Variants in GSTP1 observed in about 807,000 individuals in gnomAD.
GSTP1 encodes glutathione S-transferase P.
In GSTP1, 28 loss-of-function variants were observed where a neutral mutation model predicts 29.4. The ratio of observed to expected loss-of-function variants is 0.95; its 90% CI spans 0.71 to 1.30. The LOEUF (loss-of-function observed/expected upper bound fraction) is 1.30. Ranked by LOEUF, GSTP1 falls within the 50% of genes most tolerant of loss-of-function variation. The pLI, the probability that GSTP1 is intolerant of heterozygous loss-of-function variation, is 0.00. For missense variants in GSTP1, 267 were observed against 266.1 expected (o/e 1.00, Z -0.02); for synonymous variants, 122 against 117.0 (o/e 1.04, Z -0.28).
At chr11:67,584,982 C>T (rs1867441401) in intron 4 of GSTP1, 156 bp from the exon 5 acceptor site, 2 of 640,092 alleles carry the variant, frequency 3.1e-6, no homozygotes, top group South Asian at 1.8e-5. Flanking sequence ...GCTCTGAGCA[C>T]CTGCTGTGTG....
In GSTP1 at chr11:67,584,488, T is replaced by A. The variant is rs761170136; in HGVS notation, c.62T>A (p.Leu21Gln). The change falls in exon 3 of 7, where the codon CTG becomes CAG. Residue 21 changes from leucine to glutamine, a missense_variant. Transcript: ENST00000398606. ...GGCCGCTGCGCGGCCCTGCGCATGC[T>A]GCTGGCAGATCAGGGCCAGAGCTGG... ...VRGRCAALRM[L>Q]LADQGQSWKE... 3 of 1,556,096 alleles carry A rather than the reference T, an allele frequency of 1.9e-6. No individual in the cohort carries two copies. Among genetic ancestry groups the A allele is most frequent in the South Asian group, 1.2e-5 (1 of 85,660 alleles).
chr11:67,584,060 G>GC (rs1186915579), intron 1 of GSTP1, 74 bp from the exon 2 acceptor site: 8 of 1,261,996 alleles, frequency 6.3e-6, no homozygotes, highest in Admixed American at 1.9e-5. Flanking sequence ...GGGCGGGGAG[G>GC]GGGGGCAGAC....
chr11:67,584,521 A>T lies in GSTP1; in HGVS notation c.95A>T (p.Glu32Val), dbSNP rs45506591. ...LADQGQSWKE[E>V]VVTVETWQEG... ...GATCAGGGCCAGAGCTGGAAGGAGG[A>T]GGTGGTGACCGTGGAGACGTGGCAG... The change falls in exon 3 of 7, where the codon GAG becomes GTG. Residue 32 changes from glutamate (E) to valine (V), a missense_variant. Coordinates refer to ENST00000398606, the MANE Select transcript of GSTP1 (RefSeq NM_000852.4). The T allele has an allele frequency of 1.9e-4, 301 of 1,584,834 alleles. No individual in the cohort carries two copies. Among genetic ancestry groups the T allele is most frequent in the Non-Finnish European group, 2.3e-4 (274 of 1,166,544 alleles).
chr11:67,584,848 T>C (rs757066218), intron 4 of GSTP1, 76 bp downstream of exon 4: 2 of 1,095,496 alleles, frequency 1.8e-6, no homozygotes, highest in South Asian at 1.2e-5. Flanking sequence ...TTAAATCAGC[T>C]GCCCCGCAGC....
intron 5 of GSTP1, among the ~76,000 whole-genome samples, chr11:67,585,615 A>G (rs934173769): frequency 6.6e-5 from 10 of 152,196 alleles, no homozygotes; most frequent in African/African-American, 2.4e-4. Context: ...ATATGCAGAC[A>G]CAGAGCACAT....
intron 2 of GSTP1, 81 bp downstream of exon 2, chr11:67,584,250 G>C (rs1867427228): frequency 8.8e-7 from 1 of 1,141,282 alleles, no homozygotes; most frequent in African/African-American, 1.5e-5. Context: ...GGAGAGATCC[G>C]AACCCCCTTA....
At chr11:67,585,678 C>T (rs1416696472) in intron 5 of GSTP1, among the ~76,000 whole-genome samples, 3 of 122,940 alleles carry the variant, frequency 2.4e-5, no homozygotes, top group South Asian at 2.5e-4. Context: ...CGTGCGTGTG[C>T]ATGTGTGTGC....
chr11:67,584,651 A>T, intron 3 of GSTP1, 34 bp from the exon 4 acceptor site: 1 of 1,588,634 alleles, frequency 6.3e-7, no homozygotes, highest in East Asian at 2.2e-5. Flanking sequence ...GCCCAAGCTC[A>T]GTGCCCCTCC....
Position 67,583,818 on chromosome 11 carries a change from GT to G in GSTP1, c.-23del, listed in dbSNP as rs770058694. ...CGGAGGCCGCGAGGCCTTCGCTGGAGTTTCGCCGCCGCAGTCTTCGCCACCA... is the reference window on the plus strand; with the variant it reads ...CGGAGGCCGCGAGGCCTTCGCTGGAGTTCGCCGCCGCAGTCTTCGCCACCA... On this transcript the variant is annotated 5_prime_UTR_variant, in exon 1 of 7. Transcript: ENST00000398606. 4 of 739,442 alleles carry G rather than the reference GT, an allele frequency of 5.4e-6. No homozygotes were observed. In the South Asian group the frequency reaches 5.7e-5, roughly 11 times the overall value. The allele number at this position is 739,442 out of a possible 1,614,324, so 45.8% of individuals were successfully genotyped here.
In GSTP1 at chr11:67,586,562, C is replaced by T; in HGVS notation, c.618C>T (p.Gly206=). The T allele has an allele frequency of 1.2e-6, 2 of 1,612,712 alleles. No homozygotes were observed. The highest frequency in any genetic ancestry group is 1.7e-6 in the Non-Finnish European group (2 of 1,179,176). ...AGTACGTGAACCTCCCCATCAATGG[C>T]AACGGGAAACAGTGAGGGTTGGGGG... ...SPEYVNLPIN[G]NGKQ Residue 206 remains glycine (G), a synonymous_variant, in exon 7 of 7, where the codon GGC becomes GGT. Transcript: ENST00000398606.
In GSTP1 at chr11:67,586,218, A is replaced by C; in HGVS notation, c.444+7A>C. 2 of 1,594,252 alleles carry C rather than the reference A, an allele frequency of 1.3e-6. No individual in the cohort carries two copies. Among genetic ancestry groups the C allele is most frequent in the Non-Finnish European group, 8.6e-7 (1 of 1,162,238 alleles). ...CTTCATTGTGGGAGACCAGGTGAGC[A>C]TCTGGCCCCATGCTGTTCCTTCCTC... On this transcript the variant is annotated splice_region_variant and intron_variant, in intron 6 of 6. Transcript: ENST00000398606.
intron 5 of GSTP1, among the ~76,000 whole-genome samples, 162 bp from the exon 6 acceptor site, chr11:67,585,942 G>C (rs948304015): frequency 6.6e-6 from 1 of 152,062 alleles, no homozygotes; most frequent in African/African-American, 2.4e-5. Context: ...GAATGGAATA[G>C]AGATGAGTTG....
In GSTP1 at chr11:67,586,208, C is replaced by T. The variant is rs772064183; in HGVS notation, c.441C>T (p.Asp147=). ...GAGGCAAGACCTTCATTGTGGGAGACCAGGTGAGCATCTGGCCCCATGCTG... is the reference window on the plus strand; with the variant it reads ...GAGGCAAGACCTTCATTGTGGGAGATCAGGTGAGCATCTGGCCCCATGCTG... The part of the protein sequence containing the change: ...NQGGKTFIVG[D]QISFADYNLL... The change falls in exon 6 of 7, where the codon GAC becomes GAT. Residue 147 remains aspartate (D), a synonymous_variant. Transcript: ENST00000398606. 1.4e-5 allele frequency: 23 copies of T among 1,608,740 alleles called. No homozygotes were observed.
chr11:67,584,194 A>G (rs1014408172), intron 2 of GSTP1, 25 bp downstream of exon 2: 1 of 1,590,540 alleles, frequency 6.3e-7, no homozygotes, highest in Non-Finnish European at 8.6e-7. Flanking sequence ...CTGGCAGGGA[A>G]GGGAGGCAGG....
rs1425854189 is a variant in GSTP1 at position 67,585,247 on chromosome 11, C to T, written c.336+6C>T. The T allele has an allele frequency of 1.3e-6, 2 of 1,559,524 alleles. No individual in the cohort carries two copies. The highest frequency in any genetic ancestry group is 1.7e-5 in the Admixed American group (1 of 59,916). Reference sequence around the variant, plus strand: ...CCCTCATCTACACCAACTATGTGAGCATCTGCACCAGGGTTGGGCACTGGG... The same window carrying T: ...CCCTCATCTACACCAACTATGTGAGTATCTGCACCAGGGTTGGGCACTGGG... On this transcript the variant is annotated splice_donor_region_variant and intron_variant, in intron 5 of 6. Coordinates refer to ENST00000398606, the MANE Select transcript of GSTP1 (RefSeq NM_000852.4).
At chr11:67,584,226 C>T in intron 2 of GSTP1, 57 bp downstream of exon 2, 1 of 1,363,628 alleles carries the variant, frequency 7.3e-7, no homozygotes, top group Non-Finnish European at 1.0e-6. Context: ...CAGCCCACAG[C>T]CCCTCGCCCA....
intron 1 of GSTP1, 96 bp downstream of exon 1, chr11:67,583,940 C>T (rs1456708186): frequency 7.4e-6 from 5 of 673,934 alleles, no homozygotes; most frequent in Non-Finnish European, 1.4e-5. Flanking sequence ...GGCAGGGCTC[C>T]TCGCCCACCT....
At position 67,584,434 on chromosome 11, in the gene GSTP1, C is replaced by T. The variant is rs776595128; in HGVS notation, c.38-30C>T. 7.0e-6 allele frequency: 9 copies of T among 1,289,106 alleles called. No homozygotes were observed. In the Admixed American group the frequency reaches 1.3e-4, roughly 18 times the overall value. 79.9% of individuals were successfully genotyped at this position (1,289,106 alleles called of 1,614,324 possible). On this transcript the variant is annotated intron_variant, in intron 2 of 6. Coordinates refer to ENST00000398606, the MANE Select transcript of GSTP1 (RefSeq NM_000852.4). ...GCTGCGAGGCGGAGTCGGCCCGGTC[C>T]CCACATCTCGTACTTCTCCCTCCCC...
chr11:67,586,029 TG>T, intron 5 of GSTP1, 74 bp from the exon 6 acceptor site: 1 of 1,092,866 alleles, frequency 9.2e-7, no homozygotes. Context: ...CTCTGGTGTC[TG>T]GCCTGGGGCA....
Sources: allele counts gnomAD v4.1 joint callset (sites outside exome capture counted in the v4.1 genomes callset), GRCh38; gene constraint gnomAD v4.1.1; transcripts MANE v1.5; gene names NCBI Gene and HGNC (gene_info 2026-07-23, HGNC 2026-07-21).